NT5C2: variants seen among roughly 807,000 people sequenced by gnomAD.
The protein encoded by NT5C2 is cytosolic purine 5'-nucleotidase.
NT5C2 carries 58 observed loss-of-function variants against 76.1 expected under a neutral mutation model. The ratio of observed to expected loss-of-function variants is 0.76; its 90% CI spans 0.62 to 0.95. The LOEUF (loss-of-function observed/expected upper bound fraction) is 0.95. Ranked by LOEUF, NT5C2 falls within the 40% of genes least tolerant of loss-of-function variation. The pLI is 0.00. For missense variants in NT5C2, 478 were observed against 690.3 expected (o/e 0.69, Z 3.45); for synonymous variants, 229 against 237.4 (o/e 0.96, Z 0.32).
chr10:103,192,524 AAGG>A (rs1235144922), intron 1 of NT5C2, among the ~76,000 whole-genome samples: 1 of 152,198 alleles, frequency 6.6e-6, no homozygotes, highest in Non-Finnish European at 1.5e-5. Flanking sequence ...GCCCCGAAAA[AAGG>A]AGAAGAATAG....
At chr10:103,147,831 G>T (rs1459772403) in intron 3 of NT5C2, among the ~76,000 whole-genome samples, 1 of 152,166 alleles carries the variant, frequency 6.6e-6, no homozygotes, top group Non-Finnish European at 1.5e-5. Context: ...GAGGGAACGG[G>T]CAGTTTCCGC....
At position 103,088,267 on chromosome 10, in the gene NT5C2, C is replaced by T. The variant is rs1231193106; in HGVS notation, c.*1405G>A. On this transcript the variant is annotated 3_prime_UTR_variant, in exon 19 of 19. Coordinates refer to ENST00000404739, the MANE Select transcript of NT5C2 (RefSeq NM_001351169.2). ...TGGTTAAAGAAAGAGTCTATAACCA[C>T]TGTTTGTTTAAAATGTTGAAACAAC... 6.6e-6 allele frequency: 1 copy of T among 152,238 alleles called. No homozygotes were observed. The highest frequency in any genetic ancestry group is 1.5e-5 in the Non-Finnish European group (1 of 68,044). The allele number at this position is 152,238 out of a possible 1,614,324, so 9.4% of individuals were successfully genotyped here. A position where few individuals can be genotyped will look rare whatever the true frequency, so the allele number is the denominator to read the frequency against.
At chr10:103,191,221 G>A (rs1418491216) in intron 1 of NT5C2, among the ~76,000 whole-genome samples, 2 of 151,902 alleles carry the variant, frequency 1.3e-5, no homozygotes, top group Non-Finnish European at 2.9e-5. Flanking sequence ...GAGAAACCCC[G>A]TCTCTACAAA....
rs974917175 is a variant in NT5C2, at chr10:103,135,981, G to T, written c.175+3425C>A. ...GGGCACCTGTAATCCCAGCTACTCA[G>T]GAGGCTGAGGCAGGAGAATCTCTTG... On this transcript the variant is annotated intron_variant, in intron 4 of 18. Coordinates refer to ENST00000404739, the MANE Select transcript of NT5C2 (RefSeq NM_001351169.2). Among the ~76,000 whole-genome samples, 5 of 152,132 alleles carry T rather than the reference G, an allele frequency of 3.3e-5. No individual in the cohort carries two copies. The East Asian group carries it at 5.8e-4, about 18-fold the overall frequency.
chr10:103,105,444 C>A, intron 6 of NT5C2: 1 of 663,538 alleles, frequency 1.5e-6, no homozygotes, highest in South Asian at 2.6e-5. Flanking sequence ...TACTAAAGTT[C>A]TTCTGGGCAA....
chr10:103,183,275 A>ATTATATATATATTTTATATATATATATAT (rs1554841685), intron 1 of NT5C2, among the ~76,000 whole-genome samples: 2 of 104,934 alleles, frequency 1.9e-5, no homozygotes, highest in Admixed American at 1.3e-4. Flanking sequence ...ATATATATAT[A>ATTATATATATATTTTATATATATATATAT]TATATATATA....
At chr10:103,190,304 TTC>T (rs1258551988) in intron 1 of NT5C2, among the ~76,000 whole-genome samples, 11 of 152,192 alleles carry the variant, frequency 7.2e-5, no homozygotes, top group Admixed American at 2.0e-4. Flanking sequence ...TTACCAGAAT[TTC>T]TCTTTCCAGT....
At chr10:103,160,669 CAAGTA>C (rs1447543238) in intron 3 of NT5C2, among the ~76,000 whole-genome samples, 1 of 152,106 alleles carries the variant, frequency 6.6e-6, no homozygotes, top group East Asian at 1.9e-4. Context: ...GTCATAAGGG[CAAGTA>C]AAGACCACAA....
At chr10:103,154,832 A>G (rs1263027136) in intron 3 of NT5C2, among the ~76,000 whole-genome samples, 2 of 152,230 alleles carry the variant, frequency 1.3e-5, no homozygotes, top group African/African-American at 4.8e-5. Context: ...AACTACAAGA[A>G]TACAAATTGA....
intron 3 of NT5C2, among the ~76,000 whole-genome samples, chr10:103,170,508 A>G (rs1195674017): frequency 1.3e-5 from 2 of 150,294 alleles, no homozygotes; most frequent in Admixed American, 1.3e-4. Flanking sequence ...CACACACACA[A>G]GCACACACAC....
chr10:103,123,589 A>G (rs1369231931), intron 4 of NT5C2, among the ~76,000 whole-genome samples: 1 of 152,216 alleles, frequency 6.6e-6, no homozygotes, highest in African/African-American at 2.4e-5. Flanking sequence ...CATTGTACAT[A>G]AAGTACATTT....
chr10:103,174,646 ATT>A (rs1336012856), intron 3 of NT5C2, among the ~76,000 whole-genome samples: 3 of 152,018 alleles, frequency 2.0e-5, no homozygotes, highest in Admixed American at 1.3e-4. Flanking sequence ...AACCAAAGAC[ATT>A]TTTCTCTTAA....
At chr10:103,171,153 G>A (rs2087881785) in intron 3 of NT5C2, among the ~76,000 whole-genome samples, 1 of 152,056 alleles carries the variant, frequency 6.6e-6, no homozygotes, top group South Asian at 2.1e-4. Flanking sequence ...AGGAGTAACA[G>A]CATCCTAACA....
At chr10:103,120,449 TATTTTAAAAACCTA>T (rs536434404) in intron 4 of NT5C2, among the ~76,000 whole-genome samples, 35 of 152,334 alleles carry the variant, frequency 2.3e-4, no homozygotes, top group African/African-American at 7.9e-4. Flanking sequence ...ACTCCACAGT[TATTTTAAAAACCTA>T]ATTTTAAAAA....
intron 4 of NT5C2, among the ~76,000 whole-genome samples, chr10:103,136,632 T>A (rs1482464401): frequency 6.6e-6 from 1 of 151,774 alleles, no homozygotes; most frequent in African/African-American, 2.4e-5. Flanking sequence ...AATTATTTTT[T>A]TTTTTTTTTT....
At chr10:103,101,725 C>G (rs545951409) in intron 6 of NT5C2, among the ~76,000 whole-genome samples, 1 of 152,078 alleles carries the variant, frequency 6.6e-6, no homozygotes, top group South Asian at 2.1e-4. Context: ...TAAAAAATCA[C>G]AACTACTACA....
intron 3 of NT5C2, among the ~76,000 whole-genome samples, chr10:103,142,271 T>C (rs2080584708): frequency 6.6e-6 from 1 of 152,058 alleles, no homozygotes; most frequent in African/African-American, 2.4e-5. Context: ...TATCAGAGTT[T>C]AAGGAAATGA....
intron 4 of NT5C2, among the ~76,000 whole-genome samples, chr10:103,127,018 C>T (rs1236954737): frequency 6.6e-6 from 1 of 152,158 alleles, no homozygotes; most frequent in African/African-American, 2.4e-5. Flanking sequence ...TTAGGTTCCC[C>T]AGGCTGGTCT....
intron 1 of NT5C2, among the ~76,000 whole-genome samples, chr10:103,183,272 TATATATATATATATATATATATCACAC>T (rs1195544024): frequency 1.3e-4 from 15 of 117,274 alleles, no homozygotes; most frequent in Non-Finnish European, 2.6e-4. Flanking sequence ...GATATATATA[TATATATATATATATATATATATCACAC>T]ACTCCTTCCC....
Sources: allele counts gnomAD v4.1 joint callset (sites outside exome capture counted in the v4.1 genomes callset), GRCh38; gene constraint gnomAD v4.1.1; transcripts MANE v1.5; gene names NCBI Gene and HGNC (gene_info 2026-07-23, HGNC 2026-07-21).